RAB8B: variants seen among roughly 807,000 people sequenced by gnomAD.
RAB8B encodes ras-related protein Rab-8B.
In RAB8B, 11 loss-of-function variants were observed where a neutral mutation model predicts 32.0. The observed-to-expected ratio is 0.34, with a 90% CI of 0.22 to 0.57. The LOEUF (loss-of-function observed/expected upper bound fraction) is 0.57. RAB8B is among the 20% of genes least tolerant of loss of function. The pLI is 0.86. For synonymous variants in RAB8B, 103 were observed against 89.6 expected, an observed-to-expected ratio of 1.15 and a Z score of -0.85; for missense variants, 190 against 258.5, an observed-to-expected ratio of 0.73 and a Z score of 1.82.
chr15:63,227,788 C>G (rs1213021239), intron 1 of RAB8B, among the ~76,000 whole-genome samples: 1 of 152,196 alleles, frequency 6.6e-6, no homozygotes, highest in Non-Finnish European at 1.5e-5. Context: ...AAATTGTTCA[C>G]CAAGGCTGCT....
In RAB8B at chr15:63,259,496, G is replaced by T. The variant is rs2038186282; in HGVS notation, c.415-131G>T. The T allele has an allele frequency of 5.6e-6, 4 of 710,596 alleles. No homozygotes were observed. Among genetic ancestry groups the T allele is most frequent in the Non-Finnish European group, 9.3e-6 (4 of 429,070 alleles). The allele number at this position is 710,596 out of a possible 1,614,324, so 44.0% of individuals were successfully genotyped here. A position where few individuals can be genotyped will look rare whatever the true frequency, so the allele number is the denominator to read the frequency against. ...TCTGAATACAGTAGAAGAAAGCAAA[G>T]AAATTTGAGAACCACAGGAGTTCTG... On this transcript the variant is annotated intron_variant, in intron 5 of 7. Coordinates refer to ENST00000321437, the MANE Select transcript of RAB8B (RefSeq NM_016530.3). This position sits in a 1 kb window ranked among gnomAD's most constrained non-coding sequence, Gnocchi z 4.4.
chr15:63,228,682 C>T (rs1277041321), intron 1 of RAB8B, among the ~76,000 whole-genome samples: 1 of 152,224 alleles, frequency 6.6e-6, no homozygotes. Context: ...TTCACACTAG[C>T]TCTTTCAGAT....
intron 6 of RAB8B, among the ~76,000 whole-genome samples, chr15:63,261,587 G>C (rs530439397): frequency 6.6e-6 from 1 of 152,316 alleles, no homozygotes; most frequent in East Asian, 1.9e-4. Flanking sequence ...AGTTGCCTGA[G>C]CTGCTTATTC....
intron 1 of RAB8B, among the ~76,000 whole-genome samples, chr15:63,202,167 A>G (rs2037657976): frequency 6.7e-6 from 1 of 150,240 alleles, no homozygotes; most frequent in Non-Finnish European, 1.5e-5. Context: ...AGTCCCAGCT[A>G]CTTGGGAGGC....
intron 1 of RAB8B, among the ~76,000 whole-genome samples, chr15:63,234,626 T>C (rs1365928776): frequency 6.6e-6 from 1 of 152,178 alleles, no homozygotes; most frequent in Non-Finnish European, 1.5e-5. Flanking sequence ...TGGTAAGCAG[T>C]ACTCTGGGTA....
chr15:63,209,691 A>G (rs1239532724), intron 1 of RAB8B, among the ~76,000 whole-genome samples: 1 of 152,090 alleles, frequency 6.6e-6, no homozygotes, highest in African/African-American at 2.4e-5. Context: ...TTTTCTGATG[A>G]TTCTGAAATT....
At chr15:63,260,385 T>C (rs1343098702) in intron 6 of RAB8B, among the ~76,000 whole-genome samples, 1 of 152,240 alleles carries the variant, frequency 6.6e-6, no homozygotes, top group Admixed American at 6.5e-5. Context: ...AGAATTAAGC[T>C]GTTAGTTTAT....
rs761500266 is a variant in RAB8B, at chr15:63,265,507, A to G, written c.*1888A>G. 1 of 152,538 alleles carries G rather than the reference A, an allele frequency of 6.6e-6. No homozygotes were observed. 9.4% of individuals were successfully genotyped at this position (152,538 alleles called of 1,614,324 possible). A position where few individuals can be genotyped will look rare whatever the true frequency, so the allele number is the denominator to read the frequency against. ...AAATTAGATACATTTTCAAAAGGAAAAGATAATTTTTTAGAAACATCTTAA... is the reference window on the plus strand; with the variant it reads ...AAATTAGATACATTTTCAAAAGGAAGAGATAATTTTTTAGAAACATCTTAA... On this transcript the variant is annotated 3_prime_UTR_variant, in exon 8 of 8. Transcript: ENST00000321437. This position sits in a 1 kb window ranked among gnomAD's most constrained non-coding sequence, Gnocchi z 4.9.
intron 1 of RAB8B, among the ~76,000 whole-genome samples, chr15:63,208,342 G>A (rs1047454218): frequency 6.6e-6 from 1 of 152,126 alleles, no homozygotes; most frequent in African/African-American, 2.4e-5. Flanking sequence ...CTGAGTTGAT[G>A]TGCTTCTTAC....
chr15:63,262,775 T>C (rs764348680), intron 7 of RAB8B, 33 bp downstream of exon 7: 3 of 1,180,588 alleles, frequency 2.5e-6, no homozygotes, highest in Admixed American at 3.2e-5. Flanking sequence ...ATTTCCATTA[T>C]GCTGTCTGTT....
chr15:63,237,852 G>T (rs2037995398), intron 1 of RAB8B, among the ~76,000 whole-genome samples: 1 of 152,030 alleles, frequency 6.6e-6, no homozygotes, highest in Non-Finnish European at 1.5e-5. Context: ...TCTTTTAGTA[G>T]TTTCATAGTT....
In RAB8B at chr15:63,221,577, T is replaced by C. The variant is rs530692958; in HGVS notation, c.125-23179T>C. ...ATGACACTCCCAGTTCACCAGGTCA[T>C]CCTGTCCCGAACTGCCCAGTTAATT... is the stretch of plus-strand genomic sequence containing the variant. On this transcript the variant is annotated intron_variant, in intron 1 of 7. Transcript: ENST00000321437. Among the ~76,000 whole-genome samples, 4 of 152,240 alleles carry C rather than the reference T, an allele frequency of 2.6e-5. No homozygotes were observed. In the South Asian group the frequency reaches 6.2e-4, roughly 24 times the overall value.
intron 1 of RAB8B, among the ~76,000 whole-genome samples, chr15:63,220,526 A>T (rs1424810425): frequency 1.3e-5 from 2 of 152,172 alleles, no homozygotes; most frequent in Non-Finnish European, 2.9e-5. Flanking sequence ...TTCACTGCAC[A>T]TATAAGAGTA....
chr15:63,196,299 A>G (rs2037599456), intron 1 of RAB8B, among the ~76,000 whole-genome samples: 1 of 152,264 alleles, frequency 6.6e-6, no homozygotes, highest in Admixed American at 6.5e-5. Context: ...GTACTTTAAA[A>G]TAGATCCTTT....
At chr15:63,251,667 G>C (rs1248622475) in intron 3 of RAB8B, among the ~76,000 whole-genome samples, 1 of 152,156 alleles carries the variant, frequency 6.6e-6, no homozygotes, top group Non-Finnish European at 1.5e-5. Flanking sequence ...ACATTTTGAA[G>C]GTAGAGATTT....
chr15:63,216,159 CTCTTT>C (rs2037789489), intron 1 of RAB8B, among the ~76,000 whole-genome samples: 1 of 151,640 alleles, frequency 6.6e-6, no homozygotes, highest in African/African-American at 2.4e-5. Context: ...GATTTCTCCT[CTCTTT>C]TAACATCCAT....
chr15:63,220,360 T>G (rs1283299100), intron 1 of RAB8B, among the ~76,000 whole-genome samples: 1 of 152,190 alleles, frequency 6.6e-6, no homozygotes, highest in Non-Finnish European at 1.5e-5. Flanking sequence ...TTTAAGAAAA[T>G]TATTCTAGAA....
intron 6 of RAB8B, among the ~76,000 whole-genome samples, chr15:63,260,448 G>C (rs1210247639): frequency 1.3e-5 from 2 of 152,218 alleles, no homozygotes; most frequent in African/African-American, 2.4e-5. Context: ...ACAATAAATT[G>C]TAACAGTGGC....
At chr15:63,260,681 T>TA (rs76537130) in intron 6 of RAB8B, among the ~76,000 whole-genome samples, 74 of 145,200 alleles carry the variant, frequency 5.1e-4, no homozygotes, top group African/African-American at 5.8e-4. Flanking sequence ...ACTTAAAGTG[T>TA]AAAAAAAAAA....
Sources: allele counts gnomAD v4.1 joint callset (sites outside exome capture counted in the v4.1 genomes callset), GRCh38; gene constraint gnomAD v4.1.1; non-coding constraint Gnocchi (gnomAD v3.1); transcripts MANE v1.5; gene names NCBI Gene and HGNC (gene_info 2026-07-23, HGNC 2026-07-21).